TG: variants seen among roughly 807,000 people sequenced by gnomAD.
TG encodes thyroid hormones.
A neutral mutation model predicts 324.7 loss-of-function variants in TG; 270 were observed. The observed-to-expected ratio is 0.83, with a 90% CI of 0.75 to 0.92. The LOEUF (loss-of-function observed/expected upper bound fraction) is 0.92, where lower values mean the gene tolerates loss of function less well. Among genes scored for constraint, TG ranks in the 40% least tolerant of loss-of-function variants. The pLI is 0.00. For synonymous variants in TG, 1,401 were observed against 1,327.0 expected (o/e 1.06, Z -1.21); for missense variants, 3,591 against 3,456.4 (o/e 1.04, Z -0.98).
chr8:132,980,383 T>C (rs948624397), intron 34 of TG, among the ~76,000 whole-genome samples: 1 of 152,088 alleles, frequency 6.6e-6, no homozygotes, highest in Non-Finnish European at 1.5e-5. Flanking sequence ...ACAACCAGGT[T>C]TGGAGAGCTT....
chr8:132,990,135 C>A (rs1832121224), intron 35 of TG, among the ~76,000 whole-genome samples: 1 of 146,916 alleles, frequency 6.8e-6, no homozygotes. Flanking sequence ...CACATGACAA[C>A]CAGTTAAAGC....
At chr8:132,973,885 G>C (rs1241699830) in intron 34 of TG, among the ~76,000 whole-genome samples, 1 of 151,970 alleles carries the variant, frequency 6.6e-6, no homozygotes, top group African/African-American at 2.4e-5. Flanking sequence ...AATATATGGG[G>C]AATTCTGGCT....
intron 41 of TG, 140 bp downstream of exon 41, chr8:133,030,163 G>A: frequency 1.9e-6 from 2 of 1,076,566 alleles, no homozygotes; most frequent in Admixed American, 1.9e-5. Context: ...GCTGCTTGGA[G>A]TTTTCCATGT....
At chr8:132,887,821 G>C (rs1815644837) in intron 9 of TG, among the ~76,000 whole-genome samples, 163 bp from the exon 10 acceptor site, 2 of 152,102 alleles carry the variant, frequency 1.3e-5, no homozygotes, top group Non-Finnish European at 2.9e-5. Context: ...TTTAGTCATG[G>C]GGCAATGCCT....
chr8:133,064,303 T>C (rs1842781076), intron 41 of TG: 1 of 152,258 alleles, frequency 6.6e-6, no homozygotes, highest in African/African-American at 2.4e-5. Flanking sequence ...TTGGCGTTTT[T>C]CAAATGAAGT....
Position 133,039,953 on chromosome 8 carries a change from G to GCACACACA in TG, c.7239+9949_7239+9956dup, listed in dbSNP as rs3835182. 1.6e-3 allele frequency: 2,281 copies of GCACACACA among 1,433,902 alleles called. 24 individuals are homozygous for GCACACACA. The African/African-American group carries it at 0.028, about 17-fold the overall frequency. The allele number at this position is 1,433,902 out of a possible 1,614,324, so 88.8% of individuals were successfully genotyped here. A position where few individuals can be genotyped will look rare whatever the true frequency, so the allele number is the denominator to read the frequency against. Reference sequence around the variant, plus strand: ...TCACATGTTCACAGAGCACTTGCATGCACACACACACACACACACACACAC... The same window carrying GCACACACA: ...TCACATGTTCACAGAGCACTTGCATGCACACACACACACACACACACACACACACACAC... On this transcript the variant is annotated intron_variant, in intron 41 of 47. Coordinates refer to ENST00000220616, the MANE Select transcript of TG (RefSeq NM_003235.5).
At chr8:133,038,181 G>C in intron 41 of TG, 2 of 324,070 alleles carry the variant, frequency 6.2e-6, no homozygotes, top group East Asian at 1.6e-4. Context: ...GACAGGTCCA[G>C]TTCCTTGGAG....
chr8:133,100,960 G>T (rs1254820407), intron 43 of TG, among the ~76,000 whole-genome samples: 1 of 133,386 alleles, frequency 7.5e-6, no homozygotes, highest in Non-Finnish European at 1.6e-5. Flanking sequence ...TATTTAACAC[G>T]ATTTTTTTTC....
rs1416187965 is a variant in TG, at chr8:132,881,942, A to G, written c.718A>G (p.Ser240Gly). ...ATCTGGGTATTGCCACTGTGCTGAC[A>G]GCCAAGGGCGGGAACTGGCTGAGAC... ...EVSGYCHCADSQGRELAETGL... is the reference protein window; with the variant it reads ...EVSGYCHCADGQGRELAETGL... The change falls in exon 6 of 48, where the codon AGC (serine) becomes GGC (glycine). Residue 240 changes from serine to glycine, a missense_variant. Physicochemically the swap from Ser to Gly is moderately conservative, Grantham distance 56 (BLOSUM62 0). Transcript: ENST00000220616. The G allele has an allele frequency of 2.5e-6, 4 of 1,614,026 alleles. No homozygotes were observed. The highest frequency in any genetic ancestry group is 3.4e-6 in the Non-Finnish European group (4 of 1,179,874).
intron 36 of TG, among the ~76,000 whole-genome samples, chr8:133,012,377 G>A (rs1834595577): frequency 6.6e-6 from 1 of 152,218 alleles, no homozygotes; most frequent in African/African-American, 2.4e-5. Context: ...GTTGTGGTGA[G>A]GAGGAAGTAC....
At chr8:133,050,851 T>C (rs202161135) in intron 41 of TG, 2 of 1,613,452 alleles carry the variant, frequency 1.2e-6, no homozygotes, top group Admixed American at 1.7e-5. Context: ...CTCGGCGGAA[T>C]ATCGGGGGGC....
At chr8:132,964,644 A>G (rs1828276487) in intron 29 of TG, 3 of 466,466 alleles carry the variant, frequency 6.4e-6, no homozygotes, top group Non-Finnish European at 1.1e-5. Flanking sequence ...TAAGAGAAAT[A>G]GGAAATGGCT....
chr8:133,038,668 A>G, intron 41 of TG: 1 of 1,614,098 alleles, frequency 6.2e-7, no homozygotes, highest in African/African-American at 1.3e-5. Flanking sequence ...TGCTCTCTCG[A>G]AGGCCATAGC....
chr8:133,010,365 A>G (rs1380568378), intron 35 of TG, among the ~76,000 whole-genome samples: 2 of 152,264 alleles, frequency 1.3e-5, no homozygotes, highest in Non-Finnish European at 2.9e-5. Context: ...TGTGATCGCC[A>G]TAGTGTTCTG....
At chr8:132,871,984 C>T (rs1265259975) in intron 4 of TG, among the ~76,000 whole-genome samples, 1 of 151,876 alleles carries the variant, frequency 6.6e-6, no homozygotes, top group African/African-American at 2.4e-5. Flanking sequence ...CCGAGCAGGC[C>T]TAGGCTAATG....
At chr8:132,899,573 TTA>T (rs1563928311) in intron 14 of TG, among the ~76,000 whole-genome samples, 1 of 152,192 alleles carries the variant, frequency 6.6e-6, no homozygotes, top group Non-Finnish European at 1.5e-5. Context: ...AAAAGTTTCC[TTA>T]TTATTGTTTG....
chr8:132,896,587 A>G (rs1817134048), intron 11 of TG, among the ~76,000 whole-genome samples: 1 of 152,148 alleles, frequency 6.6e-6, no homozygotes, highest in South Asian at 2.1e-4. Context: ...GTTCATGGCC[A>G]CTTAGGAGGA....
At chr8:133,083,301 A>C (rs1846025123) in intron 41 of TG, among the ~76,000 whole-genome samples, 1 of 152,204 alleles carries the variant, frequency 6.6e-6, no homozygotes. Flanking sequence ...AACTCTTTGA[A>C]ATATCAATTG....
At chr8:132,982,901 C>T (rs1187075740) in intron 34 of TG, among the ~76,000 whole-genome samples, 1 of 152,154 alleles carries the variant, frequency 6.6e-6, no homozygotes, top group East Asian at 1.9e-4. Context: ...CACCTCCTCA[C>T]CCTTGATCTC....
Sources: allele counts gnomAD v4.1 joint callset (sites outside exome capture counted in the v4.1 genomes callset), GRCh38; gene constraint gnomAD v4.1.1; transcripts MANE v1.5; gene names NCBI Gene and HGNC (gene_info 2026-07-23, HGNC 2026-07-21).